DCBLD1: variants seen among roughly 807,000 people sequenced by gnomAD.
DCBLD1 encodes the protein discoidin, CUB and LCCL domain-containing protein 1.
Under a neutral mutation model 71.5 loss-of-function variants are expected in DCBLD1, and 57 were observed. That is an observed-to-expected ratio of 0.80 (90% CI 0.64 to 0.99). The LOEUF is 0.99. Among genes scored for constraint, DCBLD1 ranks in the 50% least tolerant of loss-of-function variants. The probability of loss-of-function intolerance (pLI) is 0.00; values close to 1 mark genes in which losing one functional copy is unlikely to be tolerated. For synonymous variants in DCBLD1, 380 were observed against 363.8 expected (o/e 1.04, Z -0.51); for missense variants, 891 against 923.5 (o/e 0.96, Z 0.46).
chr6:117,555,705 G>A (rs1440912516), intron 14 of DCBLD1, among the ~76,000 whole-genome samples: 1 of 152,066 alleles, frequency 6.6e-6, no homozygotes, highest in Non-Finnish European at 1.5e-5. Flanking sequence ...AGTTTCTTGT[G>A]AAATTCAAAC....
chr6:117,524,061 A>G (rs1778467966), intron 4 of DCBLD1, among the ~76,000 whole-genome samples: 1 of 152,208 alleles, frequency 6.6e-6, no homozygotes, highest in Non-Finnish European at 1.5e-5. Context: ...ATGCAATATC[A>G]GGGTCCCACT....
At chr6:117,523,612 G>A (rs977899553) in intron 4 of DCBLD1, among the ~76,000 whole-genome samples, 1 of 152,186 alleles carries the variant, frequency 6.6e-6, no homozygotes, top group African/African-American at 2.4e-5. Flanking sequence ...CTAGGGAATT[G>A]TTACCCTGTA....
At chr6:117,551,344 T>C (rs1379272256), downstream of DCBLD1, among the ~76,000 whole-genome samples, 1 of 151,094 alleles carries the variant, frequency 6.6e-6, no homozygotes, top group Non-Finnish European at 1.5e-5. Flanking sequence ...CTATCTTTGA[T>C]TCTGATACCT....
chr6:117,540,692 C>T lies in DCBLD1; in HGVS notation c.1126C>T (p.Arg376Trp), dbSNP rs141076594. 226 of 1,614,158 alleles carry T rather than the reference C, an allele frequency of 1.4e-4. 4 individuals are homozygous for T. The South Asian group carries it at 2.1e-3, about 15-fold the overall frequency. Residue 376 changes from arginine to tryptophan, a missense_variant, in exon 10 of 15, where the codon CGG becomes TGG. Coordinates refer to ENST00000338728, the MANE Select transcript of DCBLD1 (RefSeq NM_001366458.2). ...EKVFQGNSNF[R>W]DPVQNNFIPP... is the part of the protein sequence containing the mutation. ...GGTGTTTCAGGGTAACTCTAACTTT[C>T]GGGACCCAGTGCAAAACAATTTCAT...
At chr6:117,556,659 T>C (rs909539192) in intron 14 of DCBLD1, among the ~76,000 whole-genome samples, 15 of 152,268 alleles carry the variant, frequency 9.9e-5, no homozygotes, top group African/African-American at 3.6e-4. Flanking sequence ...ATATCTTTGC[T>C]ATTGTGAATA....
At chr6:117,564,611 G>C (rs894112156) in intron 14 of DCBLD1, among the ~76,000 whole-genome samples, 8 of 152,044 alleles carry the variant, frequency 5.3e-5, no homozygotes, top group African/African-American at 1.9e-4. Flanking sequence ...ATTTTTTTAA[G>C]TGAGTCAGTT....
At chr6:117,553,152 G>A (rs573865602), downstream of DCBLD1, among the ~76,000 whole-genome samples, 13 of 152,208 alleles carry the variant, frequency 8.5e-5, no homozygotes, top group East Asian at 5.8e-4. Context: ...ACTCCTCAAC[G>A]CTTTTATTTA....
At chr6:117,553,443 C>T (rs142816653), downstream of DCBLD1, among the ~76,000 whole-genome samples, 243 of 152,190 alleles carry the variant, frequency 1.6e-3, no homozygotes, top group African/African-American at 5.7e-3. Flanking sequence ...ATCCCTTTTT[C>T]CTTTATCTTC....
Position 117,563,275 on chromosome 6 carries a change from C to T in DCBLD1, c.1616-6345C>T, listed in dbSNP as rs1164667410. Reference sequence around the variant, plus strand: ...CAATTTAATAAGATTTTTTATGATACAGAGTGTGCAGATCATCTAATTTTG... The same window carrying T: ...CAATTTAATAAGATTTTTTATGATATAGAGTGTGCAGATCATCTAATTTTG... On this transcript the variant is annotated intron_variant, in intron 14 of 14. Coordinates refer to the DCBLD1 transcript ENST00000296955. 1.9e-6 allele frequency: 3 copies of T among 1,612,992 alleles called. No individual in the cohort carries two copies. In the East Asian group the frequency reaches 6.7e-5, roughly 36 times the overall value.
chr6:117,513,563 T>C (rs537939549), intron 2 of DCBLD1, among the ~76,000 whole-genome samples: 33 of 152,214 alleles, frequency 2.2e-4, no homozygotes, highest in South Asian at 1.0e-3. Flanking sequence ...TGATGGGAAT[T>C]TGTGACTGCA....
intron 3 of DCBLD1, among the ~76,000 whole-genome samples, chr6:117,520,823 A>G (rs183118444): frequency 6.6e-6 from 1 of 152,306 alleles, no homozygotes; most frequent in African/African-American, 2.4e-5. Flanking sequence ...TTTTCCTCTT[A>G]GCCAATCAGC....
chr6:117,549,883 C>T, downstream of DCBLD1: 1 of 984,270 alleles, frequency 1.0e-6, no homozygotes, highest in Non-Finnish European at 1.2e-6. Flanking sequence ...GCAGGTGCCA[C>T]AGTGGAAAGA....
At chr6:117,522,802 T>G (rs752044499) in intron 4 of DCBLD1, among the ~76,000 whole-genome samples, 5 of 152,144 alleles carry the variant, frequency 3.3e-5, no homozygotes, top group Non-Finnish European at 7.4e-5. Context: ...TTGTGACCAT[T>G]TCAACATGTC....
chr6:117,554,815 C>T (rs1779475666), intron 14 of DCBLD1, among the ~76,000 whole-genome samples: 1 of 151,598 alleles, frequency 6.6e-6, no homozygotes, highest in Non-Finnish European at 1.5e-5. Context: ...ATCGCTTGAA[C>T]CTGGGAGGCG....
chr6:117,517,208 G>A (rs571345809), intron 2 of DCBLD1, among the ~76,000 whole-genome samples: 1 of 152,360 alleles, frequency 6.6e-6, no homozygotes, highest in South Asian at 2.1e-4. Context: ...TCCAAATGGG[G>A]AGAAATTAGC....
intron 14 of DCBLD1, among the ~76,000 whole-genome samples, chr6:117,568,782 G>C (rs1056623824): frequency 2.0e-5 from 3 of 152,184 alleles, no homozygotes; most frequent in African/African-American, 7.2e-5. Context: ...ATATCAGCAA[G>C]TCTTCCCTGT....
intron 6 of DCBLD1, among the ~76,000 whole-genome samples, chr6:117,533,356 C>A (rs576037655): frequency 6.6e-6 from 1 of 152,236 alleles, no homozygotes; most frequent in African/African-American, 2.4e-5. Context: ...TTTGTCCTAG[C>A]CCCCTCTTGC....
rs554952405 is a variant in DCBLD1, at chr6:117,482,678, C to G, written c.-104C>G. 1 of 1,077,976 alleles carries G rather than the reference C, an allele frequency of 9.3e-7. No homozygotes were observed. The highest frequency in any genetic ancestry group is 1.7e-5 in the African/African-American group (1 of 59,300). The allele number at this position is 1,077,976 out of a possible 1,614,324, so 66.8% of individuals were successfully genotyped here. On this transcript the variant is annotated 5_prime_UTR_variant, in exon 1 of 15. Coordinates refer to ENST00000338728, the MANE Select transcript of DCBLD1 (RefSeq NM_001366458.2). ...GCGGGGCAGCGACTGCGCCCCGTCC[C>G]GGCGCCGCGCTCGTCCGCAGAGGAG...
At chr6:117,523,465 G>T (rs1459452971) in intron 4 of DCBLD1, among the ~76,000 whole-genome samples, 1 of 152,186 alleles carries the variant, frequency 6.6e-6, no homozygotes, top group Non-Finnish European at 1.5e-5. Flanking sequence ...TTTGACACAA[G>T]TATTTTAATG....
Sources: allele counts gnomAD v4.1 joint callset (sites outside exome capture counted in the v4.1 genomes callset), GRCh38; gene constraint gnomAD v4.1.1; transcripts MANE v1.5; gene names NCBI Gene and HGNC (gene_info 2026-07-23, HGNC 2026-07-21).